The following ASTN2 variants were observed in gnomAD, a reference collection of about 807,000 sequenced individuals.
ASTN2 encodes the protein astrotactin 2.
ASTN2 carries 54 observed loss-of-function variants against 139.8 expected under a neutral mutation model. The ratio of observed to expected loss-of-function variants is 0.39; its 90% confidence interval spans 0.31 to 0.48. The LOEUF (loss-of-function observed/expected upper bound fraction) is 0.48, where lower values mean the gene tolerates loss of function less well. Among genes scored for constraint, ASTN2 ranks in the 20% least tolerant of loss-of-function variants. The pLI is 0.95. For missense variants in ASTN2, 1,565 were observed against 1,725.1 expected, an observed-to-expected ratio of 0.91 and a Z score of 1.64; for synonymous variants, 756 against 719.5, an observed-to-expected ratio of 1.05 and a Z score of -0.81.
intron 20 of ASTN2, among the ~76,000 whole-genome samples, chr9:116,455,959 A>C (rs1285783158): frequency 6.6e-6 from 1 of 152,194 alleles, no homozygotes; most frequent in Non-Finnish European, 1.5e-5. Context: ...ATCTGGAACA[A>C]GAAAGTGATG....
intron 1 of ASTN2, among the ~76,000 whole-genome samples, chr9:117,379,575 TA>T (rs1439085675): frequency 1.3e-5 from 2 of 152,186 alleles, no homozygotes; most frequent in African/African-American, 4.8e-5. Context: ...TAATAAAATG[TA>T]ATTGAAGTAA....
intron 5 of ASTN2, among the ~76,000 whole-genome samples, chr9:117,049,589 A>G (rs1838856532): frequency 6.6e-6 from 1 of 152,180 alleles, no homozygotes; most frequent in Non-Finnish European, 1.5e-5. Context: ...AAACTTCTCA[A>G]CTACCTTGTA....
intron 17 of ASTN2, among the ~76,000 whole-genome samples, chr9:116,646,868 T>C (rs1235696851): frequency 6.6e-6 from 1 of 152,216 alleles, no homozygotes; most frequent in Admixed American, 6.5e-5. Context: ...CCTCACCACA[T>C]GTTGTACAGT....
At chr9:116,812,240 C>T (rs1222332322) in intron 12 of ASTN2, among the ~76,000 whole-genome samples, 2 of 152,122 alleles carry the variant, frequency 1.3e-5, no homozygotes, top group Admixed American at 6.5e-5. Flanking sequence ...ATCCCGAACA[C>T]CTGAGGTTAT....
intron 13 of ASTN2, among the ~76,000 whole-genome samples, chr9:116,775,493 A>G (rs1312740588): frequency 3.4e-5 from 4 of 118,956 alleles, no homozygotes. Flanking sequence ...AAGGGAGGGA[A>G]GAAGGGAGGA....
intron 19 of ASTN2, among the ~76,000 whole-genome samples, chr9:116,589,626 CCTTAAACAGATTACAGTGTTT>C (rs143295337): frequency 0.081 from 12,349 of 152,168 alleles, 526 homozygotes; most frequent in East Asian, 0.14. Context: ...TAGAAAGGAG[CCTTAAACAGATTACAGTGTTT>C]CTCCAGTAGA....
At chr9:116,873,963 C>T (rs893599630) in intron 10 of ASTN2, among the ~76,000 whole-genome samples, 4 of 152,182 alleles carry the variant, frequency 2.6e-5, no homozygotes, top group Non-Finnish European at 4.4e-5. Context: ...AATGAAACCT[C>T]TTATCTTTAT....
chr9:116,686,595 G>T, intron 16 of ASTN2: 2 of 1,198,488 alleles, frequency 1.7e-6, no homozygotes, highest in Non-Finnish European at 2.4e-6. Flanking sequence ...GATGCCTAGT[G>T]CCCCAGATTC....
chr9:116,641,659 T>A (rs945805279), intron 17 of ASTN2, among the ~76,000 whole-genome samples: 1 of 152,188 alleles, frequency 6.6e-6, no homozygotes, highest in African/African-American at 2.4e-5. Flanking sequence ...AAATATTCTC[T>A]GACATGCAAA....
Position 117,142,088 on chromosome 9 carries a change from A to C in ASTN2, c.1016-610T>G, listed in dbSNP as rs1830088757. Among the ~76,000 whole-genome samples, 3 of 152,286 alleles carry C rather than the reference A, an allele frequency of 2.0e-5. No individual in the cohort carries two copies. The South Asian group carries it at 6.2e-4, about 32-fold the overall frequency. Reference sequence around the variant, plus strand: ...AGGAGCACGGATGCTTGAGCATTGGAAAGTAATTTATGGTAGTTACAAGAG... The same window carrying C: ...AGGAGCACGGATGCTTGAGCATTGGCAAGTAATTTATGGTAGTTACAAGAG... On this transcript the variant is annotated intron_variant, in intron 3 of 22. Coordinates refer to ENST00000313400, the MANE Select transcript of ASTN2 (RefSeq NM_001365068.1).
chr9:117,083,670 C>T (rs780394695), intron 5 of ASTN2, among the ~76,000 whole-genome samples: 4 of 152,070 alleles, frequency 2.6e-5, no homozygotes, highest in South Asian at 2.1e-4. Flanking sequence ...TAAGGAAAGG[C>T]GGGTGGGGGA....
At chr9:117,273,195 A>G (rs2133128156) in intron 2 of ASTN2, among the ~76,000 whole-genome samples, 1 of 152,296 alleles carries the variant, frequency 6.6e-6, no homozygotes, top group African/African-American at 2.4e-5. Context: ...GAAACCCAAT[A>G]AATCCACCAG....
At chr9:117,063,590 A>G (rs1839359484) in intron 5 of ASTN2, among the ~76,000 whole-genome samples, 1 of 152,188 alleles carries the variant, frequency 6.6e-6, no homozygotes, top group South Asian at 2.1e-4. Context: ...TGTATAAATT[A>G]CCAAGTCTAG....
At chr9:117,023,038 G>A (rs1403684476) in intron 6 of ASTN2, among the ~76,000 whole-genome samples, 2 of 152,012 alleles carry the variant, frequency 1.3e-5, no homozygotes, top group African/African-American at 4.8e-5. Context: ...GAGAGGGGTG[G>A]GGTAAAGGAA....
At chr9:116,703,493 G>A (rs536273814) in intron 16 of ASTN2, among the ~76,000 whole-genome samples, 3 of 150,150 alleles carry the variant, frequency 2.0e-5, no homozygotes, top group African/African-American at 4.9e-5. Flanking sequence ...ACCAAACACC[G>A]CATATTCTCA....
At chr9:116,611,883 C>T (rs1246169429) in intron 19 of ASTN2, 1 of 152,106 alleles carries the variant, frequency 6.6e-6, no homozygotes, top group Non-Finnish European at 1.5e-5. Context: ...AGATACACTT[C>T]AGAAAACTGA....
chr9:117,038,372 C>T (rs1201556980), intron 6 of ASTN2, among the ~76,000 whole-genome samples: 3 of 152,032 alleles, frequency 2.0e-5, no homozygotes, highest in Non-Finnish European at 4.4e-5. Context: ...AAGTTTATTG[C>T]GTCTACAGAG....
intron 19 of ASTN2, among the ~76,000 whole-genome samples, chr9:116,589,026 T>C (rs1854271570): frequency 6.6e-6 from 1 of 152,168 alleles, no homozygotes; most frequent in Non-Finnish European, 1.5e-5. Flanking sequence ...ACAGAAATAA[T>C]CCCAATAATT....
intron 10 of ASTN2, among the ~76,000 whole-genome samples, chr9:116,957,846 C>T (rs896278521): frequency 1.3e-5 from 2 of 152,060 alleles, no homozygotes; most frequent in Non-Finnish European, 2.9e-5. Flanking sequence ...ACATCCAGCT[C>T]ATTTTTGTAT....
Sources: allele counts gnomAD v4.1 joint callset (sites outside exome capture counted in the v4.1 genomes callset), GRCh38; gene constraint gnomAD v4.1.1; transcripts MANE v1.5; gene names NCBI Gene and HGNC (gene_info 2026-07-23, HGNC 2026-07-21).